Variants in ADAMTS12 observed in about 807,000 individuals in gnomAD.
ADAMTS12 encodes the protein A disintegrin and metalloproteinase with thrombospondin motifs 12.
ADAMTS12 carries 118 observed loss-of-function variants against 167.8 expected under a neutral mutation model. That is an observed-to-expected ratio of 0.70 (90% CI 0.61 to 0.82). The LOEUF (loss-of-function observed/expected upper bound fraction) is 0.82, where lower values mean the gene tolerates loss of function less well. Ranked by LOEUF, ADAMTS12 falls within the 40% of genes least tolerant of loss-of-function variation. ADAMTS12 has a pLI of 0.00. For synonymous variants in ADAMTS12, 704 were observed against 716.9 expected, an observed-to-expected ratio of 0.98 and a Z score of 0.29; for missense variants, 1,916 against 1,998.8, an observed-to-expected ratio of 0.96 and a Z score of 0.79.
chr5:33,769,455 C>T (rs1204269600), intron 2 of ADAMTS12, among the ~76,000 whole-genome samples: 1 of 152,170 alleles, frequency 6.6e-6, no homozygotes, highest in East Asian at 1.9e-4. Context: ...ATAAAAAGAA[C>T]TAAACTGGCT....
At chr5:33,708,353 G>C (rs553227936) in intron 3 of ADAMTS12, among the ~76,000 whole-genome samples, 2 of 152,184 alleles carry the variant, frequency 1.3e-5, no homozygotes, top group Non-Finnish European at 1.5e-5. Flanking sequence ...TGGTGGGAGA[G>C]TAAATTAGTT....
chr5:33,630,921 GA>G lies in ADAMTS12; in HGVS notation c.1889-9del. On this transcript the variant is annotated splice_polypyrimidine_tract_variant and intron_variant, in intron 12 of 23. Coordinates refer to ENST00000504830, the MANE Select transcript of ADAMTS12 (RefSeq NM_030955.4). Reference sequence around the variant, plus strand: ...AGAGCTCACAAGGATGTGCTGAAGGGAAAAAAGAAGGCAAAGCCTTGCAAAT... The same window carrying G: ...AGAGCTCACAAGGATGTGCTGAAGGGAAAAAGAAGGCAAAGCCTTGCAAAT... 1.9e-6 allele frequency: 3 copies of G among 1,609,684 alleles called. No individual in the cohort carries two copies. The highest frequency in any genetic ancestry group is 2.5e-6 in the Non-Finnish European group (3 of 1,177,480).
chr5:33,610,716 A>T (rs1327381290), intron 16 of ADAMTS12, among the ~76,000 whole-genome samples: 1 of 152,240 alleles, frequency 6.6e-6, no homozygotes, highest in Non-Finnish European at 1.5e-5. Flanking sequence ...AAATAGTAGC[A>T]TGTATAAATA....
At chr5:33,724,214 C>A (rs1743897777) in intron 3 of ADAMTS12, among the ~76,000 whole-genome samples, 1 of 152,090 alleles carries the variant, frequency 6.6e-6, no homozygotes, top group South Asian at 2.1e-4. Context: ...ACATAAAGCC[C>A]TTACTTTAAG....
chr5:33,534,990 A>G lies in ADAMTS12; in HGVS notation c.4449T>C (p.Cys1483=), dbSNP rs1400246972. Residue 1483 remains cysteine (C), a splice_region_variant and synonymous_variant, in exon 23 of 24, where the codon TGT becomes TGC. Coordinates refer to ENST00000504830, the MANE Select transcript of ADAMTS12 (RefSeq NM_030955.4). ...CHWATGNWDL[C]STSCGGGFQK... ...GAAAGCCACCTCCACAGGAAGTGGA[A>G]CACTGAAAGAGAAGGTGAACAGAGA... 3 of 1,602,026 alleles carry G rather than the reference A, an allele frequency of 1.9e-6. No individual in the cohort carries two copies. The highest frequency in any genetic ancestry group is 2.6e-6 in the Non-Finnish European group (3 of 1,176,402).
chr5:33,839,228 T>C (rs1437656936), intron 2 of ADAMTS12, among the ~76,000 whole-genome samples: 1 of 152,194 alleles, frequency 6.6e-6, no homozygotes, highest in East Asian at 1.9e-4. Flanking sequence ...TGTCTACAAA[T>C]AGGAGATGAT....
intron 3 of ADAMTS12, among the ~76,000 whole-genome samples, chr5:33,710,467 C>G (rs1228422918): frequency 6.6e-6 from 1 of 152,124 alleles, no homozygotes; most frequent in Non-Finnish European, 1.5e-5. Flanking sequence ...CTCAAATTGT[C>G]AAGTCTTCTT....
rs1344254548 is a variant in ADAMTS12 at position 33,527,120 on chromosome 5, C to A, written c.*68G>T. The A allele has an allele frequency of 6.4e-7, 1 of 1,574,300 alleles. No individual in the cohort carries two copies. The highest frequency in any genetic ancestry group is 1.4e-5 in the African/African-American group (1 of 73,344). On this transcript the variant is annotated 3_prime_UTR_variant, in exon 24 of 24. Transcript: ENST00000504830. ...GAAGCAAAACCTCAACGAAGCAGCTCCCAGGGCTAAAGCATGTCATGGTCA... is the reference window on the plus strand; with the variant it reads ...GAAGCAAAACCTCAACGAAGCAGCTACCAGGGCTAAAGCATGTCATGGTCA...
At chr5:33,683,147 T>C (rs754382831) in intron 4 of ADAMTS12, 46 bp from the exon 5 acceptor site, 2 of 1,409,732 alleles carry the variant, frequency 1.4e-6, no homozygotes, top group East Asian at 2.3e-5. Context: ...GAAGAGATAA[T>C]AAATAAATAC....
At chr5:33,624,135 T>TA (rs1272874809) in intron 14 of ADAMTS12, 96 bp downstream of exon 14, 4 of 1,546,588 alleles carry the variant, frequency 2.6e-6, no homozygotes, top group Non-Finnish European at 3.5e-6. Flanking sequence ...ACAGACTGTT[T>TA]AAAGAAATAA....
Position 33,561,066 on chromosome 5 carries a change from G to A in ADAMTS12, c.4086C>T (p.Leu1362=). 6.2e-7 allele frequency: 1 copy of A among 1,614,200 alleles called. No homozygotes were observed. The highest frequency in any genetic ancestry group is 1.1e-5 in the South Asian group (1 of 91,078). Reference sequence around the variant, plus strand: ...CCACTTTCCAGCCAGCACAGGGACGGAGGTGGCATCTTTTTGCAGGGTCAG... The same window carrying A: ...CCACTTTCCAGCCAGCACAGGGACGAAGGTGGCATCTTTTTGCAGGGTCAG... ...QRPDPAKRCH[L]RPCAGWKVGN... Residue 1362 remains leucine (L), a synonymous_variant, in exon 20 of 24, where the codon CTC becomes CTT. Coordinates refer to ENST00000504830, the MANE Select transcript of ADAMTS12 (RefSeq NM_030955.4).
intron 2 of ADAMTS12, among the ~76,000 whole-genome samples, chr5:33,805,353 G>T (rs1404528133): frequency 6.6e-6 from 1 of 152,168 alleles, no homozygotes; most frequent in African/African-American, 2.4e-5. Context: ...TCTCATTAAA[G>T]AAATTAAAGA....
chr5:33,582,632 T>G lies in ADAMTS12; in HGVS notation c.2866-5472A>C, dbSNP rs1579702655. On this transcript the variant is annotated intron_variant, in intron 18 of 23. Coordinates refer to ENST00000504830, the MANE Select transcript of ADAMTS12 (RefSeq NM_030955.4). ...GTGATGAGCTTTGTACTTTATCGAT[T>G]CTCAGTACCTTGGTTAAGTGAATGT... Among the ~76,000 whole-genome samples the G allele has an allele frequency of 2.6e-5, 4 of 152,320 alleles. No homozygotes were observed. In the South Asian group the frequency reaches 8.3e-4, roughly 32 times the overall value.
chr5:33,644,277 G>A (rs12186661), intron 9 of ADAMTS12, among the ~76,000 whole-genome samples: 77,577 of 151,924 alleles, frequency 0.51, 21,123 homozygotes, highest in East Asian at 0.63. Context: ...TCTGTACTTT[G>A]TGTTTCAACC....
chr5:33,562,276 C>CA (rs1430031106), intron 19 of ADAMTS12, among the ~76,000 whole-genome samples: 107 of 152,212 alleles, frequency 7.0e-4, no homozygotes, highest in Non-Finnish European at 4.4e-5. Context: ...GTGAAGAACT[C>CA]AGTCGCCTTT....
chr5:33,652,425 C>G (rs1740897546), intron 7 of ADAMTS12, among the ~76,000 whole-genome samples: 1 of 151,952 alleles, frequency 6.6e-6, no homozygotes, highest in African/African-American at 2.4e-5. Context: ...ACTTTTGTGT[C>G]TTCTTTTGAA....
intron 2 of ADAMTS12, among the ~76,000 whole-genome samples, chr5:33,873,165 T>TAA (rs1193116018): frequency 7.5e-4 from 109 of 146,254 alleles, no homozygotes; most frequent in Admixed American, 1.6e-3. Flanking sequence ...CTATGTAGAT[T>TAA]TAAAAAAAAA....
chr5:33,661,485 TAC>T (rs1051612713), intron 6 of ADAMTS12, among the ~76,000 whole-genome samples: 1 of 152,210 alleles, frequency 6.6e-6, no homozygotes, highest in African/African-American at 2.4e-5. Context: ...TTAAAAGGTG[TAC>T]AGATTTCTGT....
At chr5:33,528,545 A>C (rs915698453) in intron 23 of ADAMTS12, among the ~76,000 whole-genome samples, 1 of 152,242 alleles carries the variant, frequency 6.6e-6, no homozygotes, top group African/African-American at 2.4e-5. Flanking sequence ...ACTACATTTC[A>C]TCTTTACAGT....
Sources: allele counts gnomAD v4.1 joint callset (sites outside exome capture counted in the v4.1 genomes callset), GRCh38; gene constraint gnomAD v4.1.1; transcripts MANE v1.5; gene names NCBI Gene and HGNC (gene_info 2026-07-23, HGNC 2026-07-21).